The following AK8 variants were observed in gnomAD, a reference collection of about 807,000 sequenced individuals.
AK8 encodes adenylate kinase 8.
A neutral mutation model predicts 54.6 loss-of-function variants in AK8; 44 were observed. That is an observed-to-expected ratio of 0.81 (90% CI 0.63 to 1.04). The LOEUF is 1.04. Ranked by LOEUF, AK8 falls within the 50% of genes least tolerant of loss-of-function variation. The pLI is 0.00. For synonymous variants in AK8, 239 were observed against 245.6 expected (o/e 0.97, Z 0.25); for missense variants, 555 against 613.6 (o/e 0.90, Z 1.01).
Position 132,826,046 on chromosome 9 carries a change from A to C in AK8, c.757+808T>G, listed in dbSNP as rs73660276. 9.3e-3 allele frequency among the ~76,000 whole-genome samples: 1,419 copies of C among 152,308 alleles called. 21 individuals carry two copies. The highest frequency in any genetic ancestry group is 0.032 in the African/African-American group (1,326 of 41,554). On this transcript the variant is annotated intron_variant, in intron 8 of 12. Transcript: ENST00000298545. The surrounding 1 kb of genome is among the most constrained non-coding windows in gnomAD (Gnocchi z 4.5). ...TGCCTTTTTGGGCAGGGTGTTGAAC[A>C]ATGATAGGAGCTATGACGACTGATG...
At chr9:132,832,079 A>G (rs1037541575) in intron 5 of AK8, among the ~76,000 whole-genome samples, 2 of 149,340 alleles carry the variant, frequency 1.3e-5, no homozygotes, top group African/African-American at 4.9e-5. Flanking sequence ...AAAAAAAAAA[A>G]AAAAAAAAAA....
At chr9:132,821,044 G>A (rs2131283001) in intron 9 of AK8, among the ~76,000 whole-genome samples, 1 of 151,938 alleles carries the variant, frequency 6.6e-6, no homozygotes, top group South Asian at 2.1e-4. Context: ...AAACCATGAT[G>A]AGCTTTTCTA....
chr9:132,837,095 C>T lies in AK8; in HGVS notation c.403-8369G>A, dbSNP rs1412928419. Reference sequence around the variant, plus strand: ...CAGCACTTTGGGAGGCCAAGGTAGGCGGATCATGAGGTCAAGAGATCGAGA... The same window carrying T: ...CAGCACTTTGGGAGGCCAAGGTAGGTGGATCATGAGGTCAAGAGATCGAGA... On this transcript the variant is annotated intron_variant, in intron 5 of 12. Transcript: ENST00000298545. The surrounding 1 kb of genome is among the most constrained non-coding windows in gnomAD (Gnocchi z 4.3). 4.6e-5 allele frequency among the ~76,000 whole-genome samples: 7 copies of T among 152,034 alleles called. No individual in the cohort carries two copies. The highest frequency in any genetic ancestry group is 1.2e-4 in the African/African-American group (5 of 41,402).
chr9:132,755,208 G>C (rs907102322), intron 11 of AK8, among the ~76,000 whole-genome samples: 2 of 152,164 alleles, frequency 1.3e-5, no homozygotes, highest in Non-Finnish European at 2.9e-5. Flanking sequence ...AGATTTGGCA[G>C]GTTTTCATAT....
At chr9:132,792,587 T>TGGGC in intron 11 of AK8, 47 bp downstream of exon 11, 7 of 1,528,736 alleles carry the variant, frequency 4.6e-6, no homozygotes, top group Non-Finnish European at 6.2e-6. Context: ...GGAGAGGGGG[T>TGGGC]GCCCAGGGGC....
At position 132,751,801 on chromosome 9, in the gene AK8, T is replaced by G. The variant is rs1191416566; in HGVS notation, c.1122-24267A>C. Among the ~76,000 whole-genome samples the G allele has an allele frequency of 3.3e-5, 5 of 152,042 alleles. No individual in the cohort carries two copies. In the East Asian group the frequency reaches 9.6e-4, roughly 29 times the overall value. On this transcript the variant is annotated intron_variant, in intron 11 of 12. Coordinates refer to ENST00000298545, the MANE Select transcript of AK8 (RefSeq NM_152572.3). ...TAGAGGAAAGGGCTGTGATATAATG[T>G]GTGCAATTAAGACCCTGTTTTCATT... is the stretch of plus-strand genomic sequence containing the variant.
rs1330863101 is a variant in AK8, at chr9:132,799,430, G to C, written c.980-6655C>G. 1.3e-5 allele frequency among the ~76,000 whole-genome samples: 2 copies of C among 152,002 alleles called. No homozygotes were observed. The highest frequency in any genetic ancestry group is 2.9e-5 in the Non-Finnish European group (2 of 67,974). On this transcript the variant is annotated intron_variant, in intron 10 of 12. Coordinates refer to ENST00000298545, the MANE Select transcript of AK8 (RefSeq NM_152572.3). This position sits in a 1 kb window ranked among gnomAD's most constrained non-coding sequence, Gnocchi z 5.0. ...CCTAGGGCAAACAGGAAAGAGCTGA[G>C]TGCCTCCCCACACACCCTTGCACAT...
At chr9:132,742,939 A>G (rs1427879686) in intron 11 of AK8, among the ~76,000 whole-genome samples, 2 of 152,094 alleles carry the variant, frequency 1.3e-5, no homozygotes, top group African/African-American at 4.8e-5. Context: ...TGGAGCCACG[A>G]CTCAACCCAG....
chr9:132,835,308 C>T (rs1391978087), intron 5 of AK8, among the ~76,000 whole-genome samples: 1 of 152,268 alleles, frequency 6.6e-6, no homozygotes, highest in Admixed American at 6.5e-5. Flanking sequence ...ATGCACCAGT[C>T]TACCCTAGCT....
intron 5 of AK8, among the ~76,000 whole-genome samples, chr9:132,831,751 T>A (rs973870403): frequency 2.0e-5 from 3 of 152,130 alleles, no homozygotes; most frequent in African/African-American, 7.2e-5. Flanking sequence ...GATGTCTTTC[T>A]TTAAAAACAA....
intron 5 of AK8, among the ~76,000 whole-genome samples, chr9:132,847,495 T>A (rs1842795473): frequency 6.6e-6 from 1 of 152,186 alleles, no homozygotes; most frequent in Non-Finnish European, 1.5e-5. Flanking sequence ...CTTGGCATAT[T>A]GAATTTGAAA....
chr9:132,746,422 T>C (rs1380877233), intron 11 of AK8, among the ~76,000 whole-genome samples: 1 of 152,208 alleles, frequency 6.6e-6, no homozygotes, highest in Admixed American at 6.5e-5. Context: ...CAGGAATGCA[T>C]GGCCAAGGGC....
Position 132,731,562 on chromosome 9 carries a change from G to A in AK8, c.1122-4028C>T, listed in dbSNP as rs556496816. ...CTGGACAGGCTGTGCTTCTGCTGCT[G>A]TGGACATCAGAAATTTGATTTCATG... On this transcript the variant is annotated intron_variant, in intron 11 of 12. Transcript: ENST00000298545. Among the ~76,000 whole-genome samples the A allele has an allele frequency of 2.6e-5, 4 of 152,342 alleles. No individual in the cohort carries two copies. The East Asian group carries it at 7.7e-4, about 29-fold the overall frequency.
chr9:132,811,743 C>A (rs1841020610), intron 10 of AK8, among the ~76,000 whole-genome samples: 1 of 152,346 alleles, frequency 6.6e-6, no homozygotes, highest in Non-Finnish European at 1.5e-5. Flanking sequence ...TGTTCATGGG[C>A]ATCACTGCTG....
intron 10 of AK8, among the ~76,000 whole-genome samples, chr9:132,798,675 A>G (rs1360496041): frequency 6.6e-6 from 1 of 151,404 alleles, no homozygotes; most frequent in African/African-American, 2.4e-5. Flanking sequence ...AGGCCACACC[A>G]CATGGTTTCG....
chr9:132,807,144 G>A (rs527626924), intron 10 of AK8, among the ~76,000 whole-genome samples: 2 of 152,202 alleles, frequency 1.3e-5, no homozygotes, highest in East Asian at 3.9e-4. Context: ...GCCAAGGAAT[G>A]TGGGCCTTCC....
intron 11 of AK8, among the ~76,000 whole-genome samples, chr9:132,784,765 G>A (rs1839621608): frequency 6.6e-6 from 1 of 152,110 alleles, no homozygotes. Flanking sequence ...TAGTATCTAT[G>A]TACCCTAGCT....
In AK8 at chr9:132,837,347, G is replaced by C. The variant is rs1043682190; in HGVS notation, c.403-8621C>G. Among the ~76,000 whole-genome samples, 1 of 147,124 alleles carries C rather than the reference G, an allele frequency of 6.8e-6. No homozygotes were observed. The highest frequency in any genetic ancestry group is 1.5e-5 in the Non-Finnish European group (1 of 66,800). On this transcript the variant is annotated intron_variant, in intron 5 of 12. Coordinates refer to ENST00000298545, the MANE Select transcript of AK8 (RefSeq NM_152572.3). The surrounding 1 kb of genome is among the most constrained non-coding windows in gnomAD (Gnocchi z 4.3). Reference sequence around the variant, plus strand: ...AAAAAAAAAAAAAAAAAGAATGAAAGAATGAGGAGTTGGCCCCCTTCTGCT... The same window carrying C: ...AAAAAAAAAAAAAAAAAGAATGAAACAATGAGGAGTTGGCCCCCTTCTGCT...
chr9:132,816,194 A>C (rs769283241), intron 9 of AK8, among the ~76,000 whole-genome samples: 1 of 152,080 alleles, frequency 6.6e-6, no homozygotes, highest in Non-Finnish European at 1.5e-5. Flanking sequence ...TCTCTACTAA[A>C]AATACAAAAA....
Sources: gnomAD v4.1 joint callset for allele counts (sites outside exome capture counted in the v4.1 genomes callset) on GRCh38, gnomAD v4.1.1 for gene constraint, Gnocchi (gnomAD v3.1) non-coding constraint, MANE v1.5 for transcripts, NCBI Gene and HGNC (gene_info 2026-07-23, HGNC 2026-07-21) for gene names.